RGSL1: variants seen among roughly 807,000 people sequenced by gnomAD.
RGSL1 encodes regulator of G protein signaling like 1.
Under a neutral mutation model 124.7 loss-of-function variants are expected in RGSL1, and 97 were observed. The ratio of observed to expected loss-of-function variants is 0.78; its 90% CI spans 0.66 to 0.92. The LOEUF (loss-of-function observed/expected upper bound fraction) is 0.92, where lower values mean the gene tolerates loss of function less well. Ranked by LOEUF, RGSL1 falls within the 40% of genes least tolerant of loss-of-function variation. The pLI is 0.00. For missense variants in RGSL1, 1,233 were observed against 1,288.4 expected, an observed-to-expected ratio of 0.96 and a Z score of 0.66; for synonymous variants, 424 against 438.1, an observed-to-expected ratio of 0.97 and a Z score of 0.40.
At chr1:182,499,429 C>T (rs1656185435) in intron 9 of RGSL1, among the ~76,000 whole-genome samples, 1 of 151,982 alleles carries the variant, frequency 6.6e-6, no homozygotes, top group Non-Finnish European at 1.5e-5. Context: ...TATGTGATGC[C>T]TTTATTTGTC....
chr1:182,498,980 A>G (rs1417175523), intron 9 of RGSL1, among the ~76,000 whole-genome samples: 1 of 152,002 alleles, frequency 6.6e-6, no homozygotes, highest in Non-Finnish European at 1.5e-5. Flanking sequence ...TTTAGTAGAG[A>G]TGGGGTTTCA....
At chr1:182,448,039 A>C (rs989256124), upstream of RGSL1, 11 of 152,072 alleles carry the variant, frequency 7.2e-5, no homozygotes, top group African/African-American at 1.4e-4. Context: ...TTTACGGTGA[A>C]TATTCTTCTT....
At chr1:182,521,894 G>C in intron 9 of RGSL1, 110 bp from the exon 10 acceptor site, 1 of 706,690 alleles carries the variant, frequency 1.4e-6, no homozygotes, top group Non-Finnish European at 2.4e-6. Context: ...GCAGTTGTGG[G>C]GACAGGGATT....
chr1:182,502,259 CTT>C, intron 9 of RGSL1, among the ~76,000 whole-genome samples: 1 of 152,158 alleles, frequency 6.6e-6, no homozygotes, highest in East Asian at 1.9e-4. Flanking sequence ...CCACTCTAGT[CTT>C]TATTATTCCT....
At chr1:182,491,705 G>A (rs1250129525) in intron 8 of RGSL1, among the ~76,000 whole-genome samples, 1 of 151,222 alleles carries the variant, frequency 6.6e-6, no homozygotes, top group Non-Finnish European at 1.5e-5. Context: ...TGATGATGAT[G>A]ACTCACATTC....
chr1:182,538,764 C>T lies in RGSL1; in HGVS notation c.2495-1483C>T, dbSNP rs61260203. 8.1e-3 allele frequency among the ~76,000 whole-genome samples: 1,233 copies of T among 152,142 alleles called. 17 individuals carry two copies. Among genetic ancestry groups the T allele is most frequent in the Middle Eastern group, 0.031 (9 of 294 alleles). ...GTAACATGTTGATAGTGAATGCTTC[C>T]TTAAACTGTGTCCTAGGCACCTCCC... On this transcript the variant is annotated intron_variant, in intron 14 of 21. Transcript: ENST00000294854.
At chr1:182,544,437 T>C (rs1303252010) in intron 15 of RGSL1, among the ~76,000 whole-genome samples, 1 of 152,064 alleles carries the variant, frequency 6.6e-6, no homozygotes, top group Non-Finnish European at 1.5e-5. Flanking sequence ...GAATGTTCCA[T>C]GTGCTGATGA....
chr1:182,454,133 T>C, intron 2 of RGSL1, 93 bp downstream of exon 2: 1 of 757,484 alleles, frequency 1.3e-6, no homozygotes, highest in Non-Finnish European at 2.2e-6. Flanking sequence ...TGTTTGTTGT[T>C]ATTTGGGGTT....
intron 20 of RGSL1, chr1:182,555,648 G>A (rs1660820835): frequency 8.5e-6 from 2 of 235,722 alleles, no homozygotes; most frequent in South Asian, 1.3e-4. Flanking sequence ...GAAGGCCAAG[G>A]TGGTAGACAG....
rs1661102456 is a variant in RGSL1 at position 182,560,368 on chromosome 1, C to T, written c.*255C>T. 6.6e-6 allele frequency: 1 copy of T among 152,196 alleles called. No individual in the cohort carries two copies. The highest frequency in any genetic ancestry group is 1.5e-5 in the Non-Finnish European group (1 of 68,048). 9.4% of individuals were successfully genotyped at this position (152,196 alleles called of 1,614,324 possible). ...AAGAGTGACTGAGACCTGCTGTCAT[C>T]TATATAGAAGCCTTTCTGATACATG... On this transcript the variant is annotated 3_prime_UTR_variant, in exon 22 of 22. Transcript: ENST00000294854.
intron 15 of RGSL1, among the ~76,000 whole-genome samples, chr1:182,543,906 A>G (rs1375124018): frequency 6.6e-6 from 1 of 151,974 alleles, no homozygotes; most frequent in Non-Finnish European, 1.5e-5. Context: ...TGCCTTTATC[A>G]GTCTAGCTAA....
At chr1:182,462,613 G>C (rs1024743771) in intron 4 of RGSL1, among the ~76,000 whole-genome samples, 2 of 151,968 alleles carry the variant, frequency 1.3e-5, no homozygotes, top group Non-Finnish European at 2.9e-5. Flanking sequence ...ATTAAATTTT[G>C]TTTTCCACAT....
chr1:182,501,695 A>G (rs1656397182), intron 9 of RGSL1, among the ~76,000 whole-genome samples: 1 of 152,130 alleles, frequency 6.6e-6, no homozygotes, highest in Non-Finnish European at 1.5e-5. Flanking sequence ...ATCTATATCC[A>G]TAAGGAATGT....
chr1:182,461,102 C>T (rs1245664508), intron 4 of RGSL1, among the ~76,000 whole-genome samples: 3 of 152,036 alleles, frequency 2.0e-5, no homozygotes, highest in Admixed American at 6.6e-5. Context: ...AGGGGATTTA[C>T]AGAGCTGACA....
intron 19 of RGSL1, among the ~76,000 whole-genome samples, chr1:182,554,412 G>C (rs930088224): frequency 6.6e-6 from 1 of 152,184 alleles, no homozygotes; most frequent in Non-Finnish European, 1.5e-5. Flanking sequence ...CAGATGAAAG[G>C]TTTCCTGGGA....
intron 14 of RGSL1, among the ~76,000 whole-genome samples, chr1:182,537,771 C>T (rs1403730948): frequency 1.3e-5 from 2 of 152,070 alleles, no homozygotes; most frequent in Non-Finnish European, 2.9e-5. Context: ...TCTGTGTGAG[C>T]ACCAAGGACC....
intron 9 of RGSL1, among the ~76,000 whole-genome samples, chr1:182,505,115 C>A (rs574461202): frequency 6.6e-6 from 1 of 152,228 alleles, no homozygotes; most frequent in East Asian, 1.9e-4. Context: ...GTCCCTAGGC[C>A]CAAGCTGTGG....
chr1:182,471,306 C>A (rs1653817500), intron 4 of RGSL1: 1 of 457,400 alleles, frequency 2.2e-6, no homozygotes, highest in African/African-American at 2.0e-5. Context: ...TGGAAAAAGG[C>A]AGACCAGTGG....
At chr1:182,554,724 G>C in intron 20 of RGSL1, 31 bp downstream of exon 20, 4 of 1,547,084 alleles carry the variant, frequency 2.6e-6, no homozygotes, top group Middle Eastern at 3.4e-4. Context: ...CTCTTCTTCA[G>C]TCCAGAGCTG....
Sources: allele counts gnomAD v4.1 joint callset (sites outside exome capture counted in the v4.1 genomes callset), GRCh38; gene constraint gnomAD v4.1.1; transcripts MANE v1.5; gene names NCBI Gene and HGNC (gene_info 2026-07-23, HGNC 2026-07-21).